The following CRTC3 variants were observed in gnomAD, a reference collection of about 807,000 sequenced individuals.
CRTC3 encodes the protein CREB regulated transcription coactivator 3.
CRTC3 carries 26 observed loss-of-function variants against 74.5 expected under a neutral mutation model. The observed-to-expected ratio is 0.35, with a 90% CI of 0.26 to 0.48. CRTC3 has a LOEUF of 0.48. CRTC3 is among the 20% of genes least tolerant of loss of function. CRTC3 has a pLI of 0.99. For missense variants in CRTC3, 760 were observed against 787.3 expected (o/e 0.97, Z 0.41); for synonymous variants, 377 against 325.8 (o/e 1.16, Z -1.69).
chr15:90,567,328 T>C (rs1156287482), intron 2 of CRTC3, among the ~76,000 whole-genome samples: 1 of 152,124 alleles, frequency 6.6e-6, no homozygotes, highest in Non-Finnish European at 1.5e-5. Flanking sequence ...AAAAAAAAGA[T>C]TCCTTTCAAA....
intron 2 of CRTC3, among the ~76,000 whole-genome samples, chr15:90,582,191 T>C (rs1005010671): frequency 6.6e-6 from 1 of 152,324 alleles, no homozygotes; most frequent in African/African-American, 2.4e-5. Flanking sequence ...CTCTAGTCAT[T>C]GTCTTATTAG....
At chr15:90,605,041 G>A (rs916726980) in intron 5 of CRTC3, among the ~76,000 whole-genome samples, 4 of 152,044 alleles carry the variant, frequency 2.6e-5, no homozygotes, top group African/African-American at 4.8e-5. Flanking sequence ...CCAGAGGATC[G>A]TGTGAGTCCA....
In CRTC3 at chr15:90,623,334, C is replaced by G. The variant is rs557713757; in HGVS notation, c.750-2442C>G. Among the ~76,000 whole-genome samples, 4 of 152,288 alleles carry G rather than the reference C, an allele frequency of 2.6e-5. No individual in the cohort carries two copies. The South Asian group carries it at 8.3e-4, about 32-fold the overall frequency. ...TTGAGAATGTCGGTTGCCTCCTGTA[C>G]GTAACTGAGAGAGAAATATCCCTGC... is the stretch of plus-strand genomic sequence containing the variant. On this transcript the variant is annotated intron_variant, in intron 9 of 14. Transcript: ENST00000268184.
At chr15:90,558,713 C>G (rs1475789061) in intron 2 of CRTC3, among the ~76,000 whole-genome samples, 1 of 151,928 alleles carries the variant, frequency 6.6e-6, no homozygotes, top group Non-Finnish European at 1.5e-5. Context: ...CTCCTCAGCA[C>G]TTATCACGAT....
In CRTC3 at chr15:90,642,602, C is replaced by G. The variant is rs2151100154; in HGVS notation, c.*462C>G. The G allele has an allele frequency of 3.6e-6, 1 of 275,192 alleles. No homozygotes were observed. The highest frequency in any genetic ancestry group is 8.7e-5 in the South Asian group (1 of 11,480). The allele number at this position is 275,192 out of a possible 1,614,324, so 17.0% of individuals were successfully genotyped here. A position where few individuals can be genotyped will look rare whatever the true frequency, so the allele number is the denominator to read the frequency against. On this transcript the variant is annotated 3_prime_UTR_variant, in exon 15 of 15. Transcript: ENST00000268184. ...GAGGGCACCTCGATGCCTGCTCTGACCTGACCCAGAGGGCGAGGCCCTCCA... is the reference window on the plus strand; with the variant it reads ...GAGGGCACCTCGATGCCTGCTCTGAGCTGACCCAGAGGGCGAGGCCCTCCA...
intron 10 of CRTC3, among the ~76,000 whole-genome samples, chr15:90,627,063 T>G (rs1004168732): frequency 2.0e-5 from 3 of 152,200 alleles, no homozygotes; most frequent in Non-Finnish European, 4.4e-5. Context: ...AAAGCAGTGT[T>G]TGCTGCCTTT....
chr15:90,605,119 G>GC (rs1968182468), intron 5 of CRTC3, among the ~76,000 whole-genome samples: 1 of 151,988 alleles, frequency 6.6e-6, no homozygotes, highest in African/African-American at 2.4e-5. Context: ...AGGCGTGGTG[G>GC]CACGTGCCTG....
At chr15:90,626,611 CTTTTT>C (rs922457681) in intron 10 of CRTC3, among the ~76,000 whole-genome samples, 26 of 133,416 alleles carry the variant, frequency 1.9e-4, no homozygotes, top group Non-Finnish European at 3.0e-4. Flanking sequence ...AAGCCTGACA[CTTTTT>C]TTTTTTTTTT....
intron 2 of CRTC3, among the ~76,000 whole-genome samples, chr15:90,581,009 T>G (rs1967527356): frequency 6.6e-6 from 1 of 152,230 alleles, no homozygotes. Flanking sequence ...TAGTGAATGC[T>G]TAGGAACACT....
At chr15:90,578,637 G>A (rs1967464520) in intron 2 of CRTC3, among the ~76,000 whole-genome samples, 1 of 152,126 alleles carries the variant, frequency 6.6e-6, no homozygotes, top group Non-Finnish European at 1.5e-5. Context: ...AAGAGCAGCA[G>A]TAATATGTAT....
chr15:90,636,628 G>A (rs1200895082), intron 11 of CRTC3, among the ~76,000 whole-genome samples: 1 of 152,162 alleles, frequency 6.6e-6, no homozygotes, highest in Non-Finnish European at 1.5e-5. Flanking sequence ...GCAAACTACA[G>A]AATGGGAGAA....
At chr15:90,549,979 C>T (rs149932163) in intron 2 of CRTC3, among the ~76,000 whole-genome samples, 3,259 of 150,162 alleles carry the variant, frequency 0.022, 113 homozygotes, top group African/African-American at 0.073. Flanking sequence ...GCTGGGATTA[C>T]AGGCGTGAGC....
intron 5 of CRTC3, among the ~76,000 whole-genome samples, chr15:90,605,037 G>A (rs1968178629): frequency 6.6e-6 from 1 of 152,096 alleles, no homozygotes; most frequent in South Asian, 2.1e-4. Flanking sequence ...GAGGCCAGAG[G>A]ATCGTGTGAG....
intron 2 of CRTC3, among the ~76,000 whole-genome samples, chr15:90,582,521 T>C (rs940135895): frequency 2.0e-5 from 3 of 152,212 alleles, no homozygotes; most frequent in African/African-American, 7.2e-5. Flanking sequence ...ATCAACACTT[T>C]GCATTTAAAC....
At chr15:90,597,472 G>C (rs2151079663) in intron 3 of CRTC3, among the ~76,000 whole-genome samples, 1 of 152,284 alleles carries the variant, frequency 6.6e-6, no homozygotes, top group Admixed American at 6.5e-5. Flanking sequence ...TCTCCTCTCT[G>C]GGCTGGGCCT....
At chr15:90,574,523 G>A (rs1007957580) in intron 2 of CRTC3, among the ~76,000 whole-genome samples, 4 of 152,072 alleles carry the variant, frequency 2.6e-5, no homozygotes, top group African/African-American at 9.7e-5. Context: ...ACAACATTAT[G>A]CACATACAGT....
chr15:90,601,932 C>T (rs1235465916), intron 3 of CRTC3, among the ~76,000 whole-genome samples: 3 of 152,180 alleles, frequency 2.0e-5, no homozygotes, highest in East Asian at 1.9e-4. Flanking sequence ...CTGTTTGCGT[C>T]GTGAGCCGAT....
chr15:90,542,186 T>C (rs1250379179), intron 2 of CRTC3, among the ~76,000 whole-genome samples: 1 of 151,944 alleles, frequency 6.6e-6, no homozygotes, highest in Non-Finnish European at 1.5e-5. Flanking sequence ...ACTTAATTTT[T>C]TTTTTTTTTT....
At chr15:90,569,290 C>T (rs1305771693) in intron 2 of CRTC3, among the ~76,000 whole-genome samples, 3 of 149,406 alleles carry the variant, frequency 2.0e-5, no homozygotes, top group Non-Finnish European at 4.4e-5. Context: ...AGGCATGAGC[C>T]ACCATACATG....
Sources: allele counts gnomAD v4.1 joint callset (sites outside exome capture counted in the v4.1 genomes callset), GRCh38; gene constraint gnomAD v4.1.1; transcripts MANE v1.5; gene names NCBI Gene and HGNC (gene_info 2026-07-23, HGNC 2026-07-21).